The following FKBP15 variants were observed in gnomAD, a reference collection of about 807,000 sequenced individuals.
The protein encoded by FKBP15 is FKBP prolyl isomerase family member 15.
In FKBP15, 106 loss-of-function variants were observed where a neutral mutation model predicts 158.1. The observed-to-expected ratio is 0.67, with a 90% confidence interval of 0.57 to 0.79. FKBP15 has a LOEUF of 0.79. FKBP15 is among the 30% of genes least tolerant of loss of function. The pLI is 0.00. For missense variants in FKBP15, 1,287 were observed against 1,479.1 expected (o/e 0.87, Z 2.13); for synonymous variants, 547 against 548.6 (o/e 1.00, Z 0.04).
At chr9:113,167,975 G>A (rs1185968274) in intron 27 of FKBP15, among the ~76,000 whole-genome samples, 1 of 152,178 alleles carries the variant, frequency 6.6e-6, no homozygotes, top group African/African-American at 2.4e-5. Flanking sequence ...TCAGGAACAG[G>A]AGGTCTTTAC....
rs758024457 is a variant in FKBP15 at position 113,202,567 on chromosome 9, A to G, written c.462T>C (p.Phe154=). ...DDQRQNWSIM[F]ESEKAAVEFN... is the part of the protein sequence containing the mutation. Reference sequence around the variant, plus strand: ...ACTCCACAGCAGCCTTTTCCGACTCAAACATGATGGACCAGTTCTGTCTCT... The same window carrying G: ...ACTCCACAGCAGCCTTTTCCGACTCGAACATGATGGACCAGTTCTGTCTCT... Residue 154 remains phenylalanine (F), a synonymous_variant, in exon 6 of 28, where the codon TTT becomes TTC. Coordinates refer to ENST00000238256, the MANE Select transcript of FKBP15 (RefSeq NM_015258.2). 1 of 1,585,766 alleles carries G rather than the reference A, an allele frequency of 6.3e-7. No homozygotes were observed.
At position 113,169,663 on chromosome 9, in the gene FKBP15, C is replaced by T; in HGVS notation, c.3046G>A (p.Ala1016Thr). Residue 1016 changes from alanine to threonine, a missense_variant, in exon 26 of 28, where the codon GCA (alanine) becomes ACA (threonine). Ala to Thr is a moderately conservative substitution (Grantham distance 58). Coordinates refer to ENST00000238256, the MANE Select transcript of FKBP15 (RefSeq NM_015258.2). ...HRRKGDSEAE[A>T]LSEIKDGSLP... ...GAACCATCTTTTATCTCTGAGAGTG[C>T]CTCAGCTTCTGAGTCCCCTTTCCTT... 1.9e-6 allele frequency: 3 copies of T among 1,613,976 alleles called. No individual in the cohort carries two copies. The highest frequency in any genetic ancestry group is 2.5e-6 in the Non-Finnish European group (3 of 1,179,882).
At chr9:113,166,268 G>A in intron 27 of FKBP15, 113 bp from the exon 28 acceptor site, 3 of 973,874 alleles carry the variant, frequency 3.1e-6, no homozygotes, top group Non-Finnish European at 4.7e-6. Context: ...CAGAAAGGAG[G>A]TTGTACTGAC....
chr9:113,170,313 G>A (rs1170687939), intron 25 of FKBP15, among the ~76,000 whole-genome samples: 2 of 152,062 alleles, frequency 1.3e-5, no homozygotes, highest in African/African-American at 2.4e-5. Context: ...TTTAATTTTA[G>A]TAGAGACAAA....
rs773208153 is a variant in FKBP15 at position 113,168,549 on chromosome 9, CAG to C, written c.3491_3492del (p.Ser1164TrpfsTer3). 3 of 1,613,778 alleles carry C rather than the reference CAG, an allele frequency of 1.9e-6. No individual in the cohort carries two copies. The highest frequency in any genetic ancestry group is 1.1e-5 in the South Asian group (1 of 91,076). On this transcript the variant is annotated frameshift_variant, in exon 27 of 28. Coordinates refer to ENST00000238256, the MANE Select transcript of FKBP15 (RefSeq NM_015258.2). LOFTEE classifies it high-confidence loss of function. ...TTAAACAGTTCATCCTCTTCATCCCCAGAGAGACTGAAGGAAAATCAAGTCAT... is the reference window on the plus strand; with the variant it reads ...TTAAACAGTTCATCCTCTTCATCCCCAGAGACTGAAGGAAAATCAAGTCAT... Reference protein sequence around the residue: ...PSHHSQRSSLSGDEEDELFKG... With the variant: ...PSHHSQRSSLXGDEEDELFKG...
At chr9:113,218,109 T>C (rs1444628249) in intron 1 of FKBP15, among the ~76,000 whole-genome samples, 1 of 152,102 alleles carries the variant, frequency 6.6e-6, no homozygotes, top group Non-Finnish European at 1.5e-5. Context: ...CATGCATTTA[T>C]ACTGTATCAA....
chr9:113,176,216 T>C (rs1294607338), intron 21 of FKBP15, among the ~76,000 whole-genome samples: 5 of 152,210 alleles, frequency 3.3e-5, no homozygotes, highest in African/African-American at 1.2e-4. Flanking sequence ...TCTTATGTAG[T>C]ACAAGTCCAT....
intron 11 of FKBP15, among the ~76,000 whole-genome samples, chr9:113,192,024 AC>A (rs1830584025): frequency 7.1e-6 from 1 of 141,560 alleles, no homozygotes; most frequent in South Asian, 2.2e-4. Context: ...ATTAAAAAAA[AC>A]AAATTTGTTT....
At position 113,198,665 on chromosome 9, in the gene FKBP15, T is replaced by C. The variant is rs1441207352; in HGVS notation, c.717+190A>G. ...TACTAGGGAGGCTGAGGCAGGAGAATCGCTTGAACCTGGGAGGTGGAGGTT... is the reference window on the plus strand; with the variant it reads ...TACTAGGGAGGCTGAGGCAGGAGAACCGCTTGAACCTGGGAGGTGGAGGTT... On this transcript the variant is annotated intron_variant, in intron 8 of 27. Transcript: ENST00000238256. The surrounding 1 kb of genome is among the most constrained non-coding windows in gnomAD (Gnocchi z 5.2). Among the ~76,000 whole-genome samples the C allele has an allele frequency of 6.6e-6, 1 of 152,158 alleles. No homozygotes were observed. Among genetic ancestry groups the C allele is most frequent in the Non-Finnish European group, 1.5e-5 (1 of 68,028 alleles).
At position 113,211,764 on chromosome 9, in the gene FKBP15, T is replaced by G. The variant is rs4989078; in HGVS notation, c.54-172A>C. On this transcript the variant is annotated intron_variant, in intron 1 of 27. Transcript: ENST00000238256. ...CTGATTTAAAAATTAAAAAAAAAAA[T>G]AAATAAAAATATTGGACACAGCAAA... Among the ~76,000 whole-genome samples the G allele has an allele frequency of 0.76, 114,520 of 150,956 alleles. 43,503 individuals carry two copies. The highest frequency in any genetic ancestry group is 0.82 in the East Asian group (4,214 of 5,114).
Position 113,171,686 on chromosome 9 carries a change from T to G in FKBP15, c.2553A>C (p.Gln851His). Residue 851 changes from glutamine to histidine, a missense_variant, in exon 24 of 28, where the codon CAA (glutamine) becomes CAC (histidine). Physicochemically the swap from Gln to His is conservative, Grantham distance 24. Transcript: ENST00000238256. Reference sequence around the variant, plus strand: ...CATTTTGCTTGGTGAGAGCTGTGATTTGGGCCTGGAGGGCTAAACACTGCA... The same window carrying G: ...CATTTTGCTTGGTGAGAGCTGTGATGTGGGCCTGGAGGGCTAAACACTGCA... The part of the protein sequence containing the change: ...LQEKCLALQA[Q>H]ITALTKQNEQ... 2 of 1,599,060 alleles carry G rather than the reference T, an allele frequency of 1.3e-6. No individual in the cohort carries two copies. Among genetic ancestry groups the G allele is most frequent in the Non-Finnish European group, 1.7e-6 (2 of 1,172,430 alleles).
intron 11 of FKBP15, among the ~76,000 whole-genome samples, chr9:113,193,062 T>C (rs1026144883): frequency 3.3e-5 from 5 of 152,166 alleles, no homozygotes; most frequent in African/African-American, 1.2e-4. Context: ...TCACAAAAAC[T>C]GTAAAAAGGG....
chr9:113,177,552 G>C (rs878934650), intron 20 of FKBP15, among the ~76,000 whole-genome samples: 5 of 152,228 alleles, frequency 3.3e-5, no homozygotes, highest in African/African-American at 1.2e-4. Context: ...GGGAGAACAG[G>C]GCGGAAGGAT....
chr9:113,195,390 C>T (rs966955131), intron 9 of FKBP15, among the ~76,000 whole-genome samples: 3 of 152,042 alleles, frequency 2.0e-5, no homozygotes, highest in African/African-American at 4.8e-5. Context: ...TTTTGTTTCT[C>T]GTGCCAGTCA....
rs1830020656 is a variant in FKBP15, at chr9:113,161,958, G to A, written c.*4120C>T. The A allele has an allele frequency of 8.7e-6, 5 of 575,126 alleles. No homozygotes were observed. The highest frequency in any genetic ancestry group is 7.0e-5 in the East Asian group (2 of 28,412). 35.6% of individuals were successfully genotyped at this position (575,126 alleles called of 1,614,324 possible). The stretch of plus-strand genomic sequence containing the variant: ...TAGGGAACAGTGATCTTCAGGTGCA[G>A]GCCCCTATCTAGCAAATGAGGTGGC... On this transcript the variant is annotated 3_prime_UTR_variant, in exon 28 of 28. Transcript: ENST00000238256.
At position 113,169,920 on chromosome 9, in the gene FKBP15, T is replaced by C; in HGVS notation, c.2789A>G (p.Asn930Ser). The change falls in exon 26 of 28, where the codon AAC (asparagine) becomes AGC (serine). Residue 930 changes from asparagine (N) to serine (S), a missense_variant. Asn to Ser is a conservative substitution (Grantham distance 46). Transcript: ENST00000238256. The part of the protein sequence containing the change: ...TIKMVTLQLL[N>S]QQEQEKEESS... ...CTCTTCCTTCTCTTGCTCCTGTTGGTTTAACAGCTGAAGAGTCACCATCTA... is the reference window on the plus strand; with the variant it reads ...CTCTTCCTTCTCTTGCTCCTGTTGGCTTAACAGCTGAAGAGTCACCATCTA... The C allele has an allele frequency of 1.3e-6, 2 of 1,546,024 alleles. No individual in the cohort carries two copies. The highest frequency in any genetic ancestry group is 1.7e-6 in the Non-Finnish European group (2 of 1,146,512).
At chr9:113,194,811 T>A (rs1830639830) in intron 9 of FKBP15, among the ~76,000 whole-genome samples, 1 of 152,206 alleles carries the variant, frequency 6.6e-6, no homozygotes, top group African/African-American at 2.4e-5. Flanking sequence ...TGTTATGATC[T>A]ATAGGAAAAA....
chr9:113,221,270 G>A lies in FKBP15; in HGVS notation c.-27C>T. 1 of 1,590,014 alleles carries A rather than the reference G, an allele frequency of 6.3e-7. No homozygotes were observed. Among genetic ancestry groups the A allele is most frequent in the African/African-American group, 1.3e-5 (1 of 74,372 alleles). On this transcript the variant is annotated 5_prime_UTR_variant, in exon 1 of 28. Coordinates refer to ENST00000238256, the MANE Select transcript of FKBP15 (RefSeq NM_015258.2). ...GCGTTGGCTTTCACCGGGTTGCGGG[G>A]AGGAAGCTGGGTATTCCCAGAGTCC...
intron 2 of FKBP15, among the ~76,000 whole-genome samples, chr9:113,208,284 C>T (rs996376273): frequency 1.3e-5 from 2 of 152,116 alleles, no homozygotes; most frequent in African/African-American, 4.8e-5. Flanking sequence ...TTGCAGTGAG[C>T]TGAGATCGCA....
Sources: allele counts gnomAD v4.1 joint callset (sites outside exome capture counted in the v4.1 genomes callset), GRCh38; gene constraint gnomAD v4.1.1; non-coding constraint Gnocchi (gnomAD v3.1); transcripts MANE v1.5; gene names NCBI Gene and HGNC (gene_info 2026-07-23, HGNC 2026-07-21).